The following ZUP1 variants were observed in gnomAD, a reference collection of about 807,000 sequenced individuals.
The protein encoded by ZUP1 is zinc finger-containing ubiquitin peptidase 1.
In ZUP1, 55 loss-of-function variants were observed where a neutral mutation model predicts 68.1. The ratio of observed to expected loss-of-function variants is 0.81; its 90% confidence interval spans 0.65 to 1.01. The LOEUF (loss-of-function observed/expected upper bound fraction) is 1.01, where lower values mean the gene tolerates loss of function less well. Ranked by LOEUF, ZUP1 falls within the 50% of genes least tolerant of loss-of-function variation. ZUP1 has a pLI of 0.00. For missense variants in ZUP1, 684 were observed against 674.9 expected (o/e 1.01, Z -0.15); for synonymous variants, 223 against 221.5 (o/e 1.01, Z -0.06).
chr6:116,649,543 T>C (rs535557783), intron 7 of ZUP1, among the ~76,000 whole-genome samples: 1 of 151,954 alleles, frequency 6.6e-6, no homozygotes, highest in African/African-American at 2.4e-5. Flanking sequence ...AAGCATAAGG[T>C]TTGAGAACAG....
Position 116,635,723 on chromosome 6 carries a change from A to T in ZUP1, c.*109T>A. 1.3e-6 allele frequency: 1 copy of T among 778,018 alleles called. No individual in the cohort carries two copies. The highest frequency in any genetic ancestry group is 2.0e-6 in the Non-Finnish European group (1 of 504,218). 48.2% of individuals were successfully genotyped at this position (778,018 alleles called of 1,614,324 possible). ...CATTTTAGAAATTAAATTATATGTT[A>T]AGACTTAAGAGAATTCACAGATTCA... On this transcript the variant is annotated 3_prime_UTR_variant, in exon 10 of 10. Coordinates refer to ENST00000368576, the MANE Select transcript of ZUP1 (RefSeq NM_145062.3).
intron 9 of ZUP1, 135 bp from the exon 10 acceptor site, chr6:116,636,014 C>T (rs1196583545): frequency 1.0e-5 from 5 of 492,326 alleles, no homozygotes; most frequent in Non-Finnish European, 1.7e-5. Context: ...AGAAAAATTG[C>T]AATCTCAAAC....
At chr6:116,644,201 G>C (rs908848499) in intron 9 of ZUP1, among the ~76,000 whole-genome samples, 6 of 152,184 alleles carry the variant, frequency 3.9e-5, no homozygotes, top group Non-Finnish European at 7.3e-5. Context: ...AGGTGCTGGA[G>C]AGGATGTGGA....
At position 116,645,801 on chromosome 6, in the gene ZUP1, C is replaced by T. The variant is rs1002399905; in HGVS notation, c.1602G>A (p.Lys534=). Residue 534 remains lysine, a synonymous_variant, in exon 9 of 10, where the codon AAG becomes AAA. Coordinates refer to ENST00000368576, the MANE Select transcript of ZUP1 (RefSeq NM_145062.3). ...LKQDIEASSL[K]QLRKSMGNLK... ...AATTTCCCATAGATTTCCGAAGTTG[C>T]TTGAGACTGCTAGCCTCTATGTCTT... 1 of 1,613,876 alleles carries T rather than the reference C, an allele frequency of 6.2e-7. No homozygotes were observed. The highest frequency in any genetic ancestry group is 8.5e-7 in the Non-Finnish European group (1 of 1,179,922).
At chr6:116,664,275 A>ACAAAAATTAACTGGG (rs372906345) in intron 2 of ZUP1, among the ~76,000 whole-genome samples, 7,100 of 152,164 alleles carry the variant, frequency 0.047, 250 homozygotes, top group Middle Eastern at 0.1. Context: ...TACTAAAAGT[A>ACAAAAATTAACTGGG]CAAAAATTAA....
chr6:116,652,429 C>G (rs1776537541), intron 5 of ZUP1, among the ~76,000 whole-genome samples: 1 of 152,050 alleles, frequency 6.6e-6, no homozygotes, highest in Non-Finnish European at 1.5e-5. Flanking sequence ...TCTGCAGGGC[C>G]CAGCACATAA....
At chr6:116,664,159 G>A (rs151310858) in intron 2 of ZUP1, among the ~76,000 whole-genome samples, 15 of 152,256 alleles carry the variant, frequency 9.9e-5, no homozygotes, top group South Asian at 4.1e-4. Context: ...GCCTGGGCGC[G>A]GTGGCTTACG....
chr6:116,667,063 T>C lies in ZUP1; in HGVS notation c.130A>G (p.Met44Val). 2 of 1,613,800 alleles carry C rather than the reference T, an allele frequency of 1.2e-6. No homozygotes were observed. Among genetic ancestry groups the C allele is most frequent in the Non-Finnish European group, 1.7e-6 (2 of 1,179,862 alleles). The change falls in exon 2 of 10, where the codon ATG (methionine) becomes GTG (valine). Residue 44 changes from methionine (M) to valine (V), a missense_variant. Met to Val is a conservative substitution (Grantham distance 21, BLOSUM62 1). Coordinates refer to ENST00000368576, the MANE Select transcript of ZUP1 (RefSeq NM_145062.3). The part of the protein sequence containing the change: ...CKLSGVNYDE[M>V]CFHIETAHFE... ...TGAGCTGTTTCGATATGAAAACACA[T>C]TTCATCATAATTCACACCTGACAAC...
chr6:116,666,551 C>T, intron 2 of ZUP1, 83 bp downstream of exon 2: 1 of 1,204,460 alleles, frequency 8.3e-7, no homozygotes, highest in Non-Finnish European at 1.1e-6. Context: ...CTGTAGTAAG[C>T]TGACTTACAA....
chr6:116,644,559 A>T (rs1187705101), intron 9 of ZUP1, among the ~76,000 whole-genome samples: 1 of 152,022 alleles, frequency 6.6e-6, no homozygotes, highest in Non-Finnish European at 1.5e-5. Flanking sequence ...TGAAATTGGA[A>T]ATCATCATTC....
chr6:116,645,547 C>T (rs1330941306), intron 9 of ZUP1, among the ~76,000 whole-genome samples, 167 bp downstream of exon 9: 3 of 137,814 alleles, frequency 2.2e-5, no homozygotes, highest in Non-Finnish European at 4.5e-5. Flanking sequence ...CATGCCACTG[C>T]ACTCAGGCCT....
At chr6:116,642,643 A>C (rs2115383651) in intron 9 of ZUP1, among the ~76,000 whole-genome samples, 1 of 152,364 alleles carries the variant, frequency 6.6e-6, no homozygotes, top group Non-Finnish European at 1.5e-5. Context: ...ACAACACTTC[A>C]TGCTAAAAAC....
At chr6:116,657,324 T>C (rs1776701801) in intron 4 of ZUP1, among the ~76,000 whole-genome samples, 1 of 152,228 alleles carries the variant, frequency 6.6e-6, no homozygotes, top group African/African-American at 2.4e-5. Flanking sequence ...AAATAGTATG[T>C]ATAAAACTAT....
At chr6:116,655,492 CT>C (rs972678924) in intron 5 of ZUP1, among the ~76,000 whole-genome samples, 6 of 152,176 alleles carry the variant, frequency 3.9e-5, no homozygotes, top group African/African-American at 1.4e-4. Flanking sequence ...ACATAAAGGG[CT>C]TTGAATACCT....
chr6:116,635,915 T>C (rs1333750826), intron 9 of ZUP1, 36 bp from the exon 10 acceptor site: 1 of 1,433,472 alleles, frequency 7.0e-7, no homozygotes, highest in Non-Finnish European at 9.5e-7. Flanking sequence ...TTTTAAGCTA[T>C]AAGTCAATTA....
intron 9 of ZUP1, among the ~76,000 whole-genome samples, chr6:116,644,564 T>A (rs1441345410): frequency 6.6e-6 from 1 of 152,004 alleles, no homozygotes; most frequent in East Asian, 1.9e-4. Context: ...TTGGAAATCA[T>A]CATTCTCAGT....
chr6:116,665,754 GTTTTTTTTTT>G (rs557653411), intron 2 of ZUP1, among the ~76,000 whole-genome samples: 1 of 127,430 alleles, frequency 7.8e-6, no homozygotes, highest in African/African-American at 2.9e-5. Context: ...TAGTTTTTTG[GTTTTTTTTTT>G]TTTTTTTGAA....
At position 116,656,068 on chromosome 6, in the gene ZUP1, CTTTT is replaced by C. The variant is rs1267692661; in HGVS notation, c.961+612_961+615del. On this transcript the variant is annotated intron_variant, in intron 5 of 9. Coordinates refer to ENST00000368576, the MANE Select transcript of ZUP1 (RefSeq NM_145062.3). ...AATTAACTTCCCCTGTTCCTTTTCA[CTTTT>C]TTTTGTTTTTTTTTTGTTTTTTTTG... Among the ~76,000 whole-genome samples the C allele has an allele frequency of 3.1e-5, 4 of 130,774 alleles. No homozygotes were observed. In the East Asian group the frequency reaches 6.6e-4, roughly 21 times the overall value. The allele number at this position is 130,774 out of a possible 152,430, so 85.8% of individuals were successfully genotyped here.
intron 5 of ZUP1, among the ~76,000 whole-genome samples, chr6:116,656,314 C>T (rs1776661620): frequency 6.6e-6 from 1 of 151,798 alleles, no homozygotes; most frequent in Non-Finnish European, 1.5e-5. Flanking sequence ...GAACTCCCGA[C>T]CTCAGGTGAT....
Sources: gnomAD v4.1 joint callset for allele counts (sites outside exome capture counted in the v4.1 genomes callset) on GRCh38, gnomAD v4.1.1 for gene constraint, MANE v1.5 for transcripts, NCBI Gene and HGNC (gene_info 2026-07-23, HGNC 2026-07-21) for gene names.